The following EPHB1 variants were observed in gnomAD, a reference collection of about 807,000 sequenced individuals.
EPHB1 encodes ephrin type-B receptor 1.
EPHB1 carries 30 observed loss-of-function variants against 94.4 expected under a neutral mutation model. That is an observed-to-expected ratio of 0.32 (90% CI 0.24 to 0.43). EPHB1 has a LOEUF of 0.43. Ranked by LOEUF, EPHB1 falls within the 20% of genes least tolerant of loss-of-function variation. The pLI, the probability that EPHB1 is intolerant of heterozygous loss-of-function variation, is 1.00. For synonymous variants in EPHB1, 522 were observed against 489.1 expected (o/e 1.07, Z -0.89); for missense variants, 1,055 against 1,308.3 (o/e 0.81, Z 2.99).
intron 3 of EPHB1, among the ~76,000 whole-genome samples, chr3:134,993,195 T>G (rs1388061838): frequency 6.6e-6 from 1 of 152,202 alleles, no homozygotes; most frequent in African/African-American, 2.4e-5. Context: ...GCACAGGCAG[T>G]TGGCTGCCCT....
At chr3:135,014,119 T>C (rs1935712813) in intron 3 of EPHB1, among the ~76,000 whole-genome samples, 1 of 152,124 alleles carries the variant, frequency 6.6e-6, no homozygotes, top group Non-Finnish European at 1.5e-5. Flanking sequence ...CCCTCCTACT[T>C]CTGGGGAGCT....
Position 135,132,545 on chromosome 3 carries a change from T to C in EPHB1, c.962-169T>C, listed in dbSNP as rs1576414215. Among the ~76,000 whole-genome samples, 2 of 152,140 alleles carry C rather than the reference T, an allele frequency of 1.3e-5. 1 individual carries two copies. Among genetic ancestry groups the C allele is most frequent in the East Asian group, 3.9e-4 (2 of 5,184 alleles). On this transcript the variant is annotated intron_variant, in intron 4 of 15. Transcript: ENST00000398015. ...GCTAGGGACAAGTTGTCATCTCTGTTCACCTATTCTTCTTTTAAAATGAAT... is the reference window on the plus strand; with the variant it reads ...GCTAGGGACAAGTTGTCATCTCTGTCCACCTATTCTTCTTTTAAAATGAAT...
intron 1 of EPHB1, among the ~76,000 whole-genome samples, chr3:134,853,072 AAG>A (rs2037027288): frequency 6.6e-6 from 1 of 152,244 alleles, no homozygotes; most frequent in African/African-American, 2.4e-5. Flanking sequence ...GAGAGAAAGA[AAG>A]AGAACAGAAA....
intron 3 of EPHB1, among the ~76,000 whole-genome samples, chr3:135,053,027 G>GTGTATATATATATA (rs1256844091): frequency 5.4e-5 from 6 of 110,472 alleles, no homozygotes; most frequent in Non-Finnish European, 8.4e-5. Context: ...GTGTGTGTGT[G>GTGTATATATATATA]TATATATATA....
chr3:134,931,909 ATATATG>A (rs2038911900), intron 2 of EPHB1, among the ~76,000 whole-genome samples: 1 of 152,064 alleles, frequency 6.6e-6, no homozygotes, highest in Non-Finnish European at 1.5e-5. Flanking sequence ...TATATAGTGT[ATATATG>A]TATATGTGTG....
chr3:134,939,280 G>A (rs984189619), intron 2 of EPHB1, among the ~76,000 whole-genome samples: 2 of 151,698 alleles, frequency 1.3e-5, no homozygotes, highest in African/African-American at 2.4e-5. Context: ...CAATATGGAA[G>A]CCCTTCCAAG....
chr3:135,060,896 AT>A (rs575388733), intron 3 of EPHB1, among the ~76,000 whole-genome samples: 6,869 of 145,630 alleles, frequency 0.047, 526 homozygotes, highest in African/African-American at 0.16. Context: ...CATTCTTTCT[AT>A]TTTTTTTTTT....
intron 5 of EPHB1, among the ~76,000 whole-genome samples, chr3:135,138,627 A>C (rs1005130536): frequency 2.6e-5 from 4 of 152,232 alleles, no homozygotes; most frequent in African/African-American, 9.6e-5. Flanking sequence ...GGAAATTAGC[A>C]GGCAAAATTT....
intron 12 of EPHB1, among the ~76,000 whole-genome samples, chr3:135,202,313 C>T (rs919345466): frequency 6.7e-6 from 1 of 149,510 alleles, no homozygotes; most frequent in Non-Finnish European, 1.5e-5. Context: ...TATCCTCTCC[C>T]TAGTCCCTCC....
intron 3 of EPHB1, among the ~76,000 whole-genome samples, chr3:135,095,633 C>T (rs1938729459): frequency 6.6e-6 from 1 of 152,126 alleles, no homozygotes; most frequent in Admixed American, 6.6e-5. Flanking sequence ...GCTCAGGCTG[C>T]CCCTCCAAGC....
intron 1 of EPHB1, among the ~76,000 whole-genome samples, chr3:134,834,346 G>A (rs940182029): frequency 4.6e-5 from 7 of 152,142 alleles, no homozygotes; most frequent in African/African-American, 1.4e-4. Context: ...CTTCTGATCT[G>A]GATTCCTAAC....
chr3:135,149,378 A>G (rs1395062461), intron 5 of EPHB1, among the ~76,000 whole-genome samples: 1 of 152,234 alleles, frequency 6.6e-6, no homozygotes, highest in Non-Finnish European at 1.5e-5. Flanking sequence ...ACAATTAGCC[A>G]GGACTTACTG....
intron 3 of EPHB1, among the ~76,000 whole-genome samples, chr3:135,040,871 C>A (rs1443678693): frequency 1.3e-5 from 2 of 152,284 alleles, no homozygotes; most frequent in South Asian, 4.2e-4. Context: ...GAGGAGAAAT[C>A]CGCCTGAATC....
At chr3:135,170,184 G>C (rs1218874801) in intron 9 of EPHB1, among the ~76,000 whole-genome samples, 1 of 152,196 alleles carries the variant, frequency 6.6e-6, no homozygotes, top group Non-Finnish European at 1.5e-5. Flanking sequence ...ACACTACAGA[G>C]AGGCTGGCAG....
At chr3:134,861,939 C>G (rs1487009592) in intron 1 of EPHB1, among the ~76,000 whole-genome samples, 1 of 152,138 alleles carries the variant, frequency 6.6e-6, no homozygotes, top group Non-Finnish European at 1.5e-5. Context: ...TCAAGCTTCT[C>G]CCACAGCCAA....
At chr3:135,208,292 TGTGTGTGTGTGTGTGTGTGTGTG>T (rs1942953029) in intron 12 of EPHB1, among the ~76,000 whole-genome samples, 1 of 109,048 alleles carries the variant, frequency 9.2e-6, no homozygotes, top group Non-Finnish European at 2.0e-5. Flanking sequence ...TTTCATGACG[TGTGTGTGTGTGTGTGTGTGTGTG>T]TGTGTGTGTG....
intron 3 of EPHB1, among the ~76,000 whole-genome samples, chr3:135,047,918 T>G (rs1302098287): frequency 2.0e-5 from 3 of 152,214 alleles, no homozygotes; most frequent in Non-Finnish European, 4.4e-5. Context: ...CAAATAGTTA[T>G]GTGACCCCAA....
At position 135,220,091 on chromosome 3, in the gene EPHB1, A is replaced by T. The variant is rs115971100; in HGVS notation, c.2346+18402A>T. Among the ~76,000 whole-genome samples the T allele has an allele frequency of 3.9e-3, 592 of 152,330 alleles. 4 individuals are homozygous for T. The highest frequency in any genetic ancestry group is 0.014 in the African/African-American group (571 of 41,570). On this transcript the variant is annotated intron_variant, in intron 12 of 15. Coordinates refer to ENST00000398015, the MANE Select transcript of EPHB1 (RefSeq NM_004441.5). ...GCACTATCAAGGCTAATCACATTAT[A>T]CTTCCTATGGGAATGCTGAATTCAA...
chr3:134,835,405 G>A (rs1299260395), intron 1 of EPHB1, among the ~76,000 whole-genome samples: 2 of 152,212 alleles, frequency 1.3e-5, no homozygotes, highest in African/African-American at 4.8e-5. Context: ...GGGGTTGGTA[G>A]TGAGGAACAC....
Sources: allele counts gnomAD v4.1 joint callset (sites outside exome capture counted in the v4.1 genomes callset), GRCh38; gene constraint gnomAD v4.1.1; transcripts MANE v1.5; gene names NCBI Gene and HGNC (gene_info 2026-07-23, HGNC 2026-07-21).